Variants in FN1 observed in about 807,000 individuals in gnomAD.
FN1 encodes fibronectin 1.
In FN1, 106 loss-of-function variants were observed where a neutral mutation model predicts 297.3. The observed-to-expected ratio is 0.36, with a 90% CI of 0.30 to 0.42. The LOEUF (loss-of-function observed/expected upper bound fraction) is 0.42. FN1 is among the 10% of genes least tolerant of loss of function. FN1 has a pLI of 1.00. For synonymous variants in FN1, 1,149 were observed against 1,152.6 expected, an observed-to-expected ratio of 1.00 and a Z score of 0.06; for missense variants, 2,690 against 3,124.9, an observed-to-expected ratio of 0.86 and a Z score of 3.32.
chr2:215,392,550 G>A lies in FN1; in HGVS notation c.4069+381C>T, dbSNP rs545804962. On this transcript the variant is annotated intron_variant, in intron 25 of 45. Transcript: ENST00000354785. ...AAAGGGTAGAAGGAAGATCATGATG[G>A]TACATTTTGGTGATATATTTCTTAT... The A allele has an allele frequency of 2.4e-5, 7 of 297,038 alleles. No individual in the cohort carries two copies. The East Asian group carries it at 6.2e-4, about 26-fold the overall frequency. 18.4% of individuals were successfully genotyped at this position (297,038 alleles called of 1,614,324 possible).
At position 215,391,739 on chromosome 2, in the gene FN1, G is replaced by A; in HGVS notation, c.4145C>T (p.Pro1382Leu). Residue 1382 changes from proline to leucine, a missense_variant, in exon 26 of 46, where the codon CCA becomes CTA. Pro to Leu is a moderately conservative substitution (Grantham distance 98, BLOSUM62 -3). Coordinates refer to ENST00000354785, the MANE Select transcript of FN1 (RefSeq NM_212482.4). ...CAGGAAGTTGGTTAAATCAATGGATGGGGGTGGAGCCCAGGTGACACGCAT... is the reference window on the plus strand; with the variant it reads ...CAGGAAGTTGGTTAAATCAATGGATAGGGGTGGAGCCCAGGTGACACGCAT... ...DTMRVTWAPP[P>L]SIDLTNFLVR... 2 of 1,614,080 alleles carry A rather than the reference G, an allele frequency of 1.2e-6. No homozygotes were observed. Among genetic ancestry groups the A allele is most frequent in the Non-Finnish European group, 1.7e-6 (2 of 1,179,944 alleles).
intron 44 of FN1, chr2:215,364,627 A>C (rs926654427): frequency 3.5e-5 from 20 of 565,396 alleles, no homozygotes; most frequent in Admixed American, 2.4e-4. Context: ...ATGACTCAAG[A>C]CTTGTGTTTT....
rs1164875781 is a variant in FN1, at chr2:215,428,206, T to C, written c.818A>G (p.His273Arg). 2 of 1,614,052 alleles carry C rather than the reference T, an allele frequency of 1.2e-6. No individual in the cohort carries two copies. The highest frequency in any genetic ancestry group is 2.7e-5 in the African/African-American group (2 of 74,928). ...GCTCGATGTGGTCTGCACAGAGGTG[T>C]GCCTCTCACACTTCCACTCTCCTCG... Reference protein sequence around the residue: ...NGRGEWKCERHTSVQTTSSGS... With the variant: ...NGRGEWKCERRTSVQTTSSGS... The change falls in exon 6 of 46, where the codon CAC becomes CGC. Residue 273 changes from histidine (H) to arginine (R), a missense_variant. This residue lies in a region of FN1 where 876 missense variants were observed against 1,058.1 expected (regional missense o/e 0.83). Coordinates refer to ENST00000354785, the MANE Select transcript of FN1 (RefSeq NM_212482.4).
At chr2:215,377,762 T>C (rs1261888075) in intron 35 of FN1, among the ~76,000 whole-genome samples, 2 of 152,222 alleles carry the variant, frequency 1.3e-5, no homozygotes, top group Non-Finnish European at 2.9e-5. Context: ...TGAAAACAAA[T>C]TCTAACAAGT....
chr2:215,434,552 A>G, intron 2 of FN1, 144 bp downstream of exon 2: 2 of 970,218 alleles, frequency 2.1e-6, no homozygotes, highest in Non-Finnish European at 3.2e-6. Context: ...AAAAGCAAAT[A>G]TAAGCAGTTT....
chr2:215,387,038 G>T, intron 27 of FN1, 80 bp from the exon 28 acceptor site: 2 of 1,288,632 alleles, frequency 1.6e-6, no homozygotes, highest in Non-Finnish European at 2.2e-6. Context: ...AGGTGTAGGG[G>T]AAATTAACGT....
intron 5 of FN1, among the ~76,000 whole-genome samples, chr2:215,428,900 A>G (rs1323587881): frequency 4.6e-5 from 7 of 152,168 alleles, no homozygotes; most frequent in Non-Finnish European, 1.5e-5. Context: ...CTGTAATCCA[A>G]GCTACTCGGG....
chr2:215,412,331 C>A (rs2062774995), intron 13 of FN1, among the ~76,000 whole-genome samples: 1 of 152,012 alleles, frequency 6.6e-6, no homozygotes, highest in Non-Finnish European at 1.5e-5. Flanking sequence ...TTCTATTATT[C>A]TGGTCTTGCC....
Position 215,435,681 on chromosome 2 carries a change from G to C in FN1, c.122C>G (p.Ser41Cys). The C allele has an allele frequency of 6.2e-7, 1 of 1,613,502 alleles. No individual in the cohort carries two copies. Among genetic ancestry groups the C allele is most frequent in the Non-Finnish European group, 8.5e-7 (1 of 1,179,944 alleles). ...RQAQQMVQPQ[S>C]PVAVSQSKPG... ...CTTGCTTTGACTGACAGCCACCGGG[G>C]ACTGGGGCTGAACCATTTGCTGAGC... Residue 41 changes from serine (S) to cysteine (C), a missense_variant, in exon 1 of 46, where the codon TCC (serine) becomes TGC (cysteine). Coordinates refer to ENST00000354785, the MANE Select transcript of FN1 (RefSeq NM_212482.4).
chr2:215,386,815 G>A lies in FN1; in HGVS notation c.4486C>T (p.Arg1496Trp), dbSNP rs139078629. ...ATGGAATTCCGAGAGTGGGGCACCC[G>A]ATCTTCTCGAGGTCTCCCACTGAAG... ...EHFSGRPRED[R>W]VPHSRNSITL... Residue 1496 changes from arginine to tryptophan, a missense_variant, in exon 28 of 46, where the codon CGG becomes TGG. By Grantham distance (101) the Arg-to-Trp change is moderately radical. Transcript: ENST00000354785. 11,893 of 1,613,908 alleles carry A rather than the reference G, an allele frequency of 7.4e-3. 62 individuals carry two copies. Among genetic ancestry groups the A allele is most frequent in the Non-Finnish European group, 9.0e-3 (10,644 of 1,179,954 alleles).
chr2:215,377,234 A>G (rs1447708454), intron 35 of FN1, among the ~76,000 whole-genome samples: 10 of 152,222 alleles, frequency 6.6e-5, no homozygotes, highest in Admixed American at 5.9e-4. Context: ...AGGTATTGAT[A>G]TAACAGAAGA....
rs2063859576 is a variant in FN1 at position 215,419,226 on chromosome 2, T to C, written c.1819+16A>G. The C allele has an allele frequency of 1.2e-6, 2 of 1,613,310 alleles. No individual in the cohort carries two copies. Among genetic ancestry groups the C allele is most frequent in the Middle Eastern group, 1.6e-4 (1 of 6,062 alleles). On this transcript the variant is annotated intron_variant, in intron 12 of 45. Coordinates refer to ENST00000354785, the MANE Select transcript of FN1 (RefSeq NM_212482.4). ...CCAATTGGCAGTTCTCAACTTGCAG[T>C]AATAGAGCTACTTACTTGGATAGGT...
At position 215,375,200 on chromosome 2, in the gene FN1, G is replaced by A. The variant is rs1172163011; in HGVS notation, c.6157+14C>T. ...GTAGTAAGAAGGAAAATGACAGCAT[G>A]GAAGCAGCAATACCAGTAATAGTAG... On this transcript the variant is annotated intron_variant, in intron 38 of 45. Transcript: ENST00000354785. The A allele has an allele frequency of 1.2e-6, 2 of 1,613,456 alleles. No individual in the cohort carries two copies. The highest frequency in any genetic ancestry group is 1.7e-6 in the Non-Finnish European group (2 of 1,179,416).
intron 13 of FN1, among the ~76,000 whole-genome samples, chr2:215,413,457 A>G (rs928684406): frequency 4.6e-5 from 7 of 152,116 alleles, no homozygotes; most frequent in African/African-American, 1.7e-4. Flanking sequence ...CCTGATTGTC[A>G]TGTTGTTATT....
intron 8 of FN1, among the ~76,000 whole-genome samples, chr2:215,423,766 T>C (rs1176061901): frequency 1.3e-5 from 2 of 150,588 alleles, no homozygotes; most frequent in Non-Finnish European, 2.9e-5. Flanking sequence ...CCACAAAAGA[T>C]TAAATGATAG....
At chr2:215,423,660 C>A (rs1484329811) in intron 8 of FN1, 134 bp from the exon 9 acceptor site, 8 of 826,552 alleles carry the variant, frequency 9.7e-6, no homozygotes, top group Non-Finnish European at 1.6e-5. Context: ...TAAAAAATGT[C>A]TGATAATATA....
At chr2:215,407,357 T>A in intron 17 of FN1, 36 bp from the exon 18 acceptor site, 2 of 1,549,994 alleles carry the variant, frequency 1.3e-6, no homozygotes, top group Non-Finnish European at 1.8e-6. Context: ...ATGCACTGTT[T>A]TCTTTGAGAC....
chr2:215,407,409 C>T, intron 17 of FN1, 88 bp from the exon 18 acceptor site: 2 of 1,102,478 alleles, frequency 1.8e-6, no homozygotes, highest in Non-Finnish European at 2.8e-6. Context: ...TTCTAATATC[C>T]CTTAGCATCT....
intron 12 of FN1, among the ~76,000 whole-genome samples, chr2:215,416,858 G>C (rs1301847346): frequency 6.6e-6 from 1 of 152,192 alleles, no homozygotes; most frequent in African/African-American, 2.4e-5. Flanking sequence ...CCAAAGTGGA[G>C]TACAACTACA....
Sources: allele counts gnomAD v4.1 joint callset (sites outside exome capture counted in the v4.1 genomes callset), GRCh38; gene constraint gnomAD v4.1.1; regional missense constraint gnomAD v4.1.1; transcripts MANE v1.5; gene names NCBI Gene and HGNC (gene_info 2026-07-23, HGNC 2026-07-21).